Variants in RFX3 observed in about 807,000 individuals in gnomAD.
The protein encoded by RFX3 is regulatory factor X3, also known as transcription factor RFX3.
A neutral mutation model predicts 98.6 loss-of-function variants in RFX3; 14 were observed. The ratio of observed to expected loss-of-function variants is 0.14; its 90% CI spans 0.09 to 0.22. The LOEUF (loss-of-function observed/expected upper bound fraction) is 0.22, where lower values mean the gene tolerates loss of function less well. Ranked by LOEUF, RFX3 falls within the 10% of genes least tolerant of loss-of-function variation. RFX3 has a pLI of 1.00. For synonymous variants in RFX3, 383 were observed against 328.4 expected (o/e 1.17, Z -1.80); for missense variants, 639 against 926.9 (o/e 0.69, Z 4.03).
intron 1 of RFX3, chr9:3,420,763 A>G: frequency 6.1e-6 from 6 of 982,914 alleles, no homozygotes; most frequent in Non-Finnish European, 7.2e-6. Flanking sequence ...ATTCATCACT[A>G]CTGTTCTTTC....
At chr9:3,366,430 G>C (rs1364547091) in intron 2 of RFX3, among the ~76,000 whole-genome samples, 2 of 152,156 alleles carry the variant, frequency 1.3e-5, no homozygotes, top group Admixed American at 6.5e-5. Context: ...GTACTCCATA[G>C]TATAGACGAA....
intron 14 of RFX3, 115 bp downstream of exon 14, chr9:3,256,876 C>G: frequency 1.0e-6 from 1 of 973,924 alleles, no homozygotes; most frequent in Non-Finnish European, 1.5e-6. Flanking sequence ...GGAGTTTCCA[C>G]AAACTAAAGT....
chr9:3,226,099 T>C (rs1465035563), intron 16 of RFX3, among the ~76,000 whole-genome samples: 1 of 152,192 alleles, frequency 6.6e-6, no homozygotes, highest in Admixed American at 6.5e-5. Flanking sequence ...AAAATGCACA[T>C]ATACAGCTTT....
Position 3,393,742 on chromosome 9 carries a change from T to A in RFX3, c.117+1730A>T, listed in dbSNP as rs916517680. Among the ~76,000 whole-genome samples, 58 of 146,980 alleles carry A rather than the reference T, an allele frequency of 3.9e-4. 2 individuals carry two copies. Among genetic ancestry groups the A allele is most frequent in the African/African-American group, 1.5e-3 (56 of 38,000 alleles). ...TGGTTAAAAAATATATATAAAAAGA[T>A]AAAAACATAACCAATAAAGTGGGCG... is the stretch of plus-strand genomic sequence containing the variant. On this transcript the variant is annotated intron_variant, in intron 2 of 16. Coordinates refer to ENST00000617270, the MANE Select transcript of RFX3 (RefSeq NM_001282116.2).
At chr9:3,439,982 C>T (rs1290998997) in intron 1 of RFX3, among the ~76,000 whole-genome samples, 2 of 151,848 alleles carry the variant, frequency 1.3e-5, no homozygotes, top group African/African-American at 4.8e-5. Context: ...TGTAATCTAC[C>T]ATACTAAGAA....
intron 1 of RFX3, among the ~76,000 whole-genome samples, chr9:3,423,266 T>A (rs536656446): frequency 6.6e-6 from 1 of 152,310 alleles, no homozygotes; most frequent in African/African-American, 2.4e-5. Flanking sequence ...AGTAACCATA[T>A]GACCCAATAT....
At chr9:3,376,666 A>T (rs977676797) in intron 2 of RFX3, among the ~76,000 whole-genome samples, 6 of 152,128 alleles carry the variant, frequency 3.9e-5, no homozygotes, top group Admixed American at 1.3e-4. Flanking sequence ...AACCTACAGA[A>T]TGGGAGAAAA....
At chr9:3,384,743 C>T (rs527374325) in intron 2 of RFX3, among the ~76,000 whole-genome samples, 32 of 152,160 alleles carry the variant, frequency 2.1e-4, no homozygotes, top group African/African-American at 6.7e-4. Flanking sequence ...CTCAAGATAC[C>T]AAGACACCTG....
intron 4 of RFX3, among the ~76,000 whole-genome samples, chr9:3,302,134 T>A (rs1049169482): frequency 1.3e-5 from 2 of 151,882 alleles, no homozygotes; most frequent in African/African-American, 4.8e-5. Context: ...ATCCCTCCAT[T>A]AATCCTGTAT....
At chr9:3,340,292 T>A (rs911839789) in intron 3 of RFX3, among the ~76,000 whole-genome samples, 9 of 152,062 alleles carry the variant, frequency 5.9e-5, no homozygotes, top group Non-Finnish European at 1.0e-4. Context: ...CCTAAAACCA[T>A]AAAAACCCTA....
At chr9:3,480,187 C>T (rs1849618034) in intron 1 of RFX3, among the ~76,000 whole-genome samples, 2 of 152,310 alleles carry the variant, frequency 1.3e-5, no homozygotes, top group East Asian at 1.9e-4. Context: ...TTCTTACAGT[C>T]ATCTTGCTGG....
Position 3,427,419 on chromosome 9 carries a change from T to C in RFX3, c.-8-31823A>G, listed in dbSNP as rs1844192882. 8.7e-5 allele frequency among the ~76,000 whole-genome samples: 12 copies of C among 138,372 alleles called. No individual in the cohort carries two copies. The South Asian group carries it at 2.0e-3, about 23-fold the overall frequency. The allele number at this position is 138,372 out of a possible 152,430, so 90.8% of individuals were successfully genotyped here. ...TATATAAATATATATTGTTATATAA[T>C]AATACAATATATAAATATATATTGT... is the stretch of plus-strand genomic sequence containing the variant. On this transcript the variant is annotated intron_variant, in intron 1 of 16. Transcript: ENST00000617270.
intron 1 of RFX3, among the ~76,000 whole-genome samples, chr9:3,414,913 CAT>C (rs1165686256): frequency 7.6e-6 from 1 of 131,158 alleles, no homozygotes; most frequent in African/African-American, 2.9e-5. Flanking sequence ...TATATACACA[CAT>C]ATATACTCAT....
chr9:3,389,245 C>T (rs547758304), intron 2 of RFX3, among the ~76,000 whole-genome samples: 93 of 152,150 alleles, frequency 6.1e-4, no homozygotes, highest in South Asian at 2.5e-3. Flanking sequence ...AGGGGTTAGA[C>T]GACCTCCTAG....
Position 3,330,262 on chromosome 9 carries a change from C to T in RFX3, c.471G>A (p.Ala157=), listed in dbSNP as rs147486427. ...SVTHTTRASP[A]TIEMAIETLQ... is the part of the protein sequence containing the mutation. ...TACTAAAAATTCAAATACTTACTGT[C>T]GCTGGGGAGGCCCGAGTTGTGTGTG... Residue 157 remains alanine (A), a synonymous_variant, in exon 4 of 17, where the codon GCG becomes GCA. Coordinates refer to ENST00000617270, the MANE Select transcript of RFX3 (RefSeq NM_001282116.2). 122 of 1,613,966 alleles carry T rather than the reference C, an allele frequency of 7.6e-5. No individual in the cohort carries two copies. The African/African-American group carries it at 1.3e-3, about 17-fold the overall frequency.
chr9:3,383,561 C>G (rs1046344059), intron 2 of RFX3, among the ~76,000 whole-genome samples: 1 of 151,632 alleles, frequency 6.6e-6, no homozygotes, highest in African/African-American at 2.4e-5. Context: ...AAAAAAATGG[C>G]TAAAGCAAGG....
At chr9:3,488,111 C>T (rs1850428450) in intron 1 of RFX3, among the ~76,000 whole-genome samples, 1 of 152,072 alleles carries the variant, frequency 6.6e-6, no homozygotes, top group Non-Finnish European at 1.5e-5. Context: ...TACTTCCTTA[C>T]TTCACATACT....
intron 1 of RFX3, among the ~76,000 whole-genome samples, chr9:3,446,393 T>C (rs116398331): frequency 0.012 from 1,803 of 152,154 alleles, 33 homozygotes; most frequent in African/African-American, 0.041. Context: ...AAAGGTAATA[T>C]ATAATTTGAT....
chr9:3,463,575 A>G (rs1032458906), intron 1 of RFX3, among the ~76,000 whole-genome samples: 9 of 148,462 alleles, frequency 6.1e-5, no homozygotes, highest in African/African-American at 2.2e-4. Context: ...ACAGACTTGG[A>G]AAAAAAAAAA....
Sources: allele counts gnomAD v4.1 joint callset (sites outside exome capture counted in the v4.1 genomes callset), GRCh38; gene constraint gnomAD v4.1.1; transcripts MANE v1.5; gene names NCBI Gene and HGNC (gene_info 2026-07-23, HGNC 2026-07-21).